The following LARGE1 variants were observed in gnomAD, a reference collection of about 807,000 sequenced individuals.
The protein encoded by LARGE1 is xylosyl- and glucuronyltransferase LARGE1.
In LARGE1, 43 loss-of-function variants were observed where a neutral mutation model predicts 87.6. That is an observed-to-expected ratio of 0.49 (90% confidence interval 0.38 to 0.63). The LOEUF is 0.63. LARGE1 is among the 30% of genes least tolerant of loss of function. The probability of loss-of-function intolerance (pLI) is 0.00; values close to 1 mark genes in which losing one functional copy is unlikely to be tolerated. For missense variants in LARGE1, 802 were observed against 1,000.2 expected, an observed-to-expected ratio of 0.80 and a Z score of 2.67; for synonymous variants, 434 against 394.6, an observed-to-expected ratio of 1.10 and a Z score of -1.18.
chr22:33,233,884 T>C (rs1926128656), intron 11 of LARGE1, among the ~76,000 whole-genome samples: 1 of 152,208 alleles, frequency 6.6e-6, no homozygotes, highest in African/African-American at 2.4e-5. Flanking sequence ...AATTGGTTCT[T>C]CCTGCCATTC....
At chr22:33,674,006 G>C (rs9621752) in intron 2 of LARGE1, among the ~76,000 whole-genome samples, 12 of 150,906 alleles carry the variant, frequency 8.0e-5, no homozygotes, top group African/African-American at 2.9e-4. Flanking sequence ...ATGGGGTTTT[G>C]CCATGTTGGC....
At chr22:33,087,258 C>G in the LARGE1 span, among the ~76,000 whole-genome samples, 34,534 of 151,364 alleles carry the variant, frequency 0.23, 4,415 homozygotes, top group African/African-American at 0.35. Flanking sequence ...TATTTTTATA[C>G]TAAAAAATAA....
At chr22:33,247,259 G>C (rs1926808946) in intron 11 of LARGE1, among the ~76,000 whole-genome samples, 1 of 151,924 alleles carries the variant, frequency 6.6e-6, no homozygotes, top group Admixed American at 6.6e-5. Context: ...CAATTACTTA[G>C]AATGGATTGA....
At chr22:33,801,774 T>A (rs972075167) in intron 1 of LARGE1, among the ~76,000 whole-genome samples, 6 of 152,160 alleles carry the variant, frequency 3.9e-5, no homozygotes, top group African/African-American at 1.4e-4. Flanking sequence ...AAATCCAAGA[T>A]CAGAAGAGGT....
chr22:33,588,882 G>C (rs1008513641), intron 5 of LARGE1, among the ~76,000 whole-genome samples: 2 of 152,168 alleles, frequency 1.3e-5, no homozygotes, highest in Admixed American at 1.3e-4. Context: ...AGTGGGGGTG[G>C]GAGGCCTTCC....
chr22:33,874,230 C>T (rs1290498060), intron 1 of LARGE1, among the ~76,000 whole-genome samples: 2 of 152,164 alleles, frequency 1.3e-5, no homozygotes, highest in Non-Finnish European at 2.9e-5. Context: ...TAGAGGGATA[C>T]AGCAGGCCAG....
intron 2 of LARGE1, among the ~76,000 whole-genome samples, chr22:33,721,599 G>A (rs1031816040): frequency 2.6e-5 from 4 of 152,162 alleles, no homozygotes; most frequent in African/African-American, 7.2e-5. Context: ...ATCTTCTAAG[G>A]CAAATCCATG....
At chr22:33,239,723 G>A (rs1263112663) in intron 11 of LARGE1, among the ~76,000 whole-genome samples, 2 of 151,634 alleles carry the variant, frequency 1.3e-5, no homozygotes, top group East Asian at 3.9e-4. Context: ...ATTTTTAGTA[G>A]AGACAGGGTT....
intron 1 of LARGE1, among the ~76,000 whole-genome samples, chr22:33,779,233 C>T (rs4820112): frequency 0.021 from 3,167 of 152,128 alleles, 56 homozygotes; most frequent in Middle Eastern, 0.048. Context: ...ACACAAGGAA[C>T]GGTGGTTATT....
intron 13 of LARGE1, among the ~76,000 whole-genome samples, chr22:33,279,684 A>T (rs114428135): frequency 2.6e-5 from 4 of 152,226 alleles, no homozygotes; most frequent in African/African-American, 9.7e-5. Flanking sequence ...TGAAAGGTGA[A>T]GCAATGCCAT....
chr22:33,460,962 C>T (rs2068357837), intron 6 of LARGE1, among the ~76,000 whole-genome samples: 1 of 152,080 alleles, frequency 6.6e-6, no homozygotes, highest in South Asian at 2.1e-4. Context: ...CATCTTGTAG[C>T]CTGGCAGAAG....
chr22:33,262,152 A>G (rs892432470), intron 11 of LARGE1, among the ~76,000 whole-genome samples: 1 of 152,222 alleles, frequency 6.6e-6, no homozygotes, highest in Non-Finnish European at 1.5e-5. Context: ...GTGAGCAAAC[A>G]AGGGCAAAGA....
intron 1 of LARGE1, among the ~76,000 whole-genome samples, chr22:33,908,557 T>TG (rs942123067): frequency 2.4e-4 from 22 of 90,554 alleles, no homozygotes; most frequent in Admixed American, 1.1e-3. Flanking sequence ...TGGCCAGGGG[T>TG]GGGGGGTGAG....
At chr22:33,712,094 C>G (rs2082747277) in intron 2 of LARGE1, among the ~76,000 whole-genome samples, 1 of 152,216 alleles carries the variant, frequency 6.6e-6, no homozygotes, top group Admixed American at 6.5e-5. Flanking sequence ...AGTAACTTGT[C>G]CCAACCAAAC....
chr22:33,249,367 G>A (rs1926912925), intron 11 of LARGE1, among the ~76,000 whole-genome samples: 2 of 152,096 alleles, frequency 1.3e-5, no homozygotes, highest in Admixed American at 6.6e-5. Flanking sequence ...AAAGTCTTTG[G>A]CACATTTACT....
rs113884859 is a variant in LARGE1 at position 33,282,360 on chromosome 22, A to AAACAAAAC, written c.1877+841_1877+842insGTTTTGTT. Among the ~76,000 whole-genome samples, 158 of 134,786 alleles carry AAACAAAAC rather than the reference A, an allele frequency of 1.2e-3. 3 individuals are homozygous for AAACAAAAC. The highest frequency in any genetic ancestry group is 4.1e-3 in the African/African-American group (156 of 38,082). 88.4% of individuals were successfully genotyped at this position (134,786 alleles called of 152,430 possible). A position where few individuals can be genotyped will look rare whatever the true frequency, so the allele number is the denominator to read the frequency against. On this transcript the variant is annotated intron_variant, in intron 13 of 14. Transcript: ENST00000397394. ...AGCTCTGTCTCAAAAACAAACAAAC[A>AAACAAAAC]AAACAAACAAACAAACAAACACAAG...
chr22:33,187,568 G>A (rs1923541827), intron 11 of LARGE1, among the ~76,000 whole-genome samples: 1 of 152,024 alleles, frequency 6.6e-6, no homozygotes, highest in Non-Finnish European at 1.5e-5. Context: ...AAGTTCAAGA[G>A]ATCCATTGTA....
chr22:33,114,515 A>C, the LARGE1 span, among the ~76,000 whole-genome samples: 1 of 152,192 alleles, frequency 6.6e-6, no homozygotes, highest in South Asian at 2.1e-4. Flanking sequence ...CACAGCTCTT[A>C]ACTTCTATTT....
intron 12 of LARGE1, among the ~76,000 whole-genome samples, chr22:33,297,650 CA>C (rs11286542): frequency 0.041 from 6,031 of 147,896 alleles, 165 homozygotes; most frequent in Middle Eastern, 0.063. Context: ...CCCAAGAAGG[CA>C]AAAGGCAGTG....
Sources: gnomAD v4.1 joint callset for allele counts (sites outside exome capture counted in the v4.1 genomes callset) on GRCh38, gnomAD v4.1.1 for gene constraint, MANE v1.5 for transcripts, NCBI Gene and HGNC (gene_info 2026-07-23, HGNC 2026-07-21) for gene names.